The following RAPGEFL1 variants were observed in gnomAD, a reference collection of about 807,000 sequenced individuals.
The protein encoded by RAPGEFL1 is Rap guanine nucleotide exchange factor like 1, also known as rap guanine nucleotide exchange factor-like 1.
In RAPGEFL1, 31 loss-of-function variants were observed where a neutral mutation model predicts 64.4. The observed-to-expected ratio is 0.48, with a 90% CI of 0.36 to 0.65. The LOEUF (loss-of-function observed/expected upper bound fraction) is 0.65, where lower values mean the gene tolerates loss of function less well. Among genes scored for constraint, RAPGEFL1 ranks in the 30% least tolerant of loss-of-function variants. The pLI is 0.00. For synonymous variants in RAPGEFL1, 331 were observed against 274.1 expected (o/e 1.21, Z -2.05); for missense variants, 682 against 677.4 (o/e 1.01, Z -0.08).
Position 40,189,450 on chromosome 17 carries a change from G to C in RAPGEFL1, c.1114+75G>C, listed in dbSNP as rs1990187193. The stretch of plus-strand genomic sequence containing the variant: ...AGCTCAGGGCTCTGGGGGAGGGGTA[G>C]AGACTGAATTCTAGGCCCTTGCTAC... On this transcript the variant is annotated intron_variant, in intron 6 of 14. Coordinates refer to ENST00000620260, the MANE Select transcript of RAPGEFL1 (RefSeq NM_016339.6). The C allele has an allele frequency of 4.2e-5, 63 of 1,511,146 alleles. No homozygotes were observed. In the South Asian group the frequency reaches 7.3e-4, roughly 17 times the overall value. The allele number at this position is 1,511,146 out of a possible 1,614,324, so 93.6% of individuals were successfully genotyped here.
chr17:40,191,315 G>T lies in RAPGEFL1; in HGVS notation c.1336-1G>T. 6.3e-7 allele frequency: 1 copy of T among 1,575,618 alleles called. No individual in the cohort carries two copies. Among genetic ancestry groups the T allele is most frequent in the Non-Finnish European group, 8.5e-7 (1 of 1,170,228 alleles). On this transcript the variant is annotated splice_acceptor_variant, in intron 8 of 14. Transcript: ENST00000620260. LOFTEE classifies it high-confidence loss of function. The surrounding 1 kb of genome is among the most constrained non-coding windows in gnomAD (Gnocchi z 5.1). ...CCGCCCCTCCGCTGCCGTGGGTGCA[G>T]CTGGAGTTCGTGGACTACGTGTTCC...
intron 4 of RAPGEFL1, among the ~76,000 whole-genome samples, chr17:40,185,229 G>A (rs967656205): frequency 3.3e-5 from 5 of 152,168 alleles, no homozygotes; most frequent in African/African-American, 1.2e-4. Context: ...AGGAGAAAGA[G>A]CCCTGATTTG....
At position 40,181,710 on chromosome 17, in the gene RAPGEFL1, G is replaced by A. The variant is rs1302744175; in HGVS notation, c.599+16G>A. 1 of 701,934 alleles carries A rather than the reference G, an allele frequency of 1.4e-6. No homozygotes were observed. Among genetic ancestry groups the A allele is most frequent in the Non-Finnish European group, 2.6e-6 (1 of 384,412 alleles). The allele number at this position is 701,934 out of a possible 1,614,324, so 43.5% of individuals were successfully genotyped here. A position where few individuals can be genotyped will look rare whatever the true frequency, so the allele number is the denominator to read the frequency against. ...TACACCAGTAATATCCTTTTGTGGAGTTTGGAAAAGGAGAGGTCAGAAGGG... is the reference window on the plus strand; with the variant it reads ...TACACCAGTAATATCCTTTTGTGGAATTTGGAAAAGGAGAGGTCAGAAGGG... On this transcript the variant is annotated intron_variant, in intron 2 of 14. Transcript: ENST00000620260.
Position 40,193,428 on chromosome 17 carries a change from A to T in RAPGEFL1, c.1864+11A>T. The T allele has an allele frequency of 1.9e-6, 3 of 1,613,938 alleles. No individual in the cohort carries two copies. Among genetic ancestry groups the T allele is most frequent in the Non-Finnish European group, 2.5e-6 (3 of 1,179,780 alleles). On this transcript the variant is annotated intron_variant, in intron 14 of 14. Transcript: ENST00000620260. Reference sequence around the variant, plus strand: ...GGAGCCGGCCCCTTTGTGAGTACCCAGGGTACTGAGAGCAGTACAGATAGA... The same window carrying T: ...GGAGCCGGCCCCTTTGTGAGTACCCTGGGTACTGAGAGCAGTACAGATAGA...
At chr17:40,188,562 G>T (rs1990155065) in intron 4 of RAPGEFL1, 1 of 373,530 alleles carries the variant, frequency 2.7e-6, no homozygotes, top group Non-Finnish European at 5.0e-6. Flanking sequence ...TCTCATAGAA[G>T]AGATAAGAGG....
At chr17:40,181,790 A>G in intron 2 of RAPGEFL1, 96 bp downstream of exon 2, 1 of 672,652 alleles carries the variant, frequency 1.5e-6, no homozygotes, top group East Asian at 2.8e-5. Context: ...CCCCTAGGAA[A>G]CATACCTGGG....
intron 4 of RAPGEFL1, among the ~76,000 whole-genome samples, chr17:40,185,634 A>C (rs1367721361): frequency 6.6e-6 from 1 of 151,842 alleles, no homozygotes; most frequent in East Asian, 1.9e-4. Flanking sequence ...AAATACAAAA[A>C]TTAGCTGGGC....
Position 40,178,383 on chromosome 17 carries a change from TA to T in RAPGEFL1, c.520+4del. The T allele has an allele frequency of 2.0e-6, 1 of 502,478 alleles. No individual in the cohort carries two copies. Among genetic ancestry groups the T allele is most frequent in the Non-Finnish European group, 3.6e-6 (1 of 280,458 alleles). 31.1% of individuals were successfully genotyped at this position (502,478 alleles called of 1,614,324 possible). A position where few individuals can be genotyped will look rare whatever the true frequency, so the allele number is the denominator to read the frequency against. On this transcript the variant is annotated splice_donor_region_variant and intron_variant, in intron 1 of 14. Coordinates refer to ENST00000620260, the MANE Select transcript of RAPGEFL1 (RefSeq NM_016339.6). ...CTACCAGGGACAGCGCCGCCTCAGG[TA>T]AGGAGCCGGTGGGCTCGAACACCCA...
At chr17:40,186,482 G>T (rs1247927966) in intron 4 of RAPGEFL1, among the ~76,000 whole-genome samples, 1 of 146,384 alleles carries the variant, frequency 6.8e-6, no homozygotes. Context: ...GCAGGAGAAT[G>T]GCGTGAACCC....
chr17:40,187,912 CTTTTTTT>C (rs1004508368), intron 4 of RAPGEFL1, among the ~76,000 whole-genome samples: 1 of 125,168 alleles, frequency 8.0e-6, no homozygotes, highest in Admixed American at 8.3e-5. Context: ...CGCGCCTGGC[CTTTTTTT>C]TTTTTTTTTT....
chr17:40,189,559 A>G (rs1433734755), intron 6 of RAPGEFL1, among the ~76,000 whole-genome samples, 184 bp downstream of exon 6: 1 of 152,210 alleles, frequency 6.6e-6, no homozygotes, highest in East Asian at 1.9e-4. Context: ...GCAGTGGTGC[A>G]AACCTGCAGT....
intron 1 of RAPGEFL1, among the ~76,000 whole-genome samples, chr17:40,180,860 G>T (rs1989872897): frequency 6.6e-6 from 1 of 152,216 alleles, no homozygotes; most frequent in South Asian, 2.1e-4. Context: ...AGGACACCTG[G>T]CTCCCTCCCT....
Position 40,184,625 on chromosome 17 carries a change from C to A in RAPGEFL1, c.780C>A (p.Gly260=). 1.3e-6 allele frequency: 2 copies of A among 1,590,696 alleles called. No homozygotes were observed. Among genetic ancestry groups the A allele is most frequent in the Non-Finnish European group, 1.7e-6 (2 of 1,163,300 alleles). ...TGAAGGACGAGTCCCTTTACCAGGG[C>A]CTCCGAGAGGACACTCTGAGGCTGC... The part of the protein sequence containing the change: ...LIMKDESLYQ[G]LREDTLRLHQ... Residue 260 remains glycine, a synonymous_variant, in exon 4 of 15, where the codon GGC becomes GGA. Coordinates refer to ENST00000620260, the MANE Select transcript of RAPGEFL1 (RefSeq NM_016339.6).
chr17:40,190,391 G>T, intron 6 of RAPGEFL1, 43 bp from the exon 7 acceptor site: 4 of 1,558,904 alleles, frequency 2.6e-6, no homozygotes, highest in Non-Finnish European at 3.5e-6. Context: ...GTGTGAGGGT[G>T]CAGGCGGCAG....
At chr17:40,192,875 G>A (rs2280400) in intron 12 of RAPGEFL1, 51 bp from the exon 13 acceptor site, 197,530 of 1,527,424 alleles carry the variant, frequency 0.13, 14,168 homozygotes, top group East Asian at 0.32. Flanking sequence ...GGCCCCTTTC[G>A]AACTCCTCTC....
chr17:40,186,832 T>TA lies in RAPGEFL1; in HGVS notation c.834-2033dup, dbSNP rs143158188. 1.6e-3 allele frequency among the ~76,000 whole-genome samples: 238 copies of TA among 147,566 alleles called. 1 individual carries two copies. In the East Asian group the frequency reaches 0.045, roughly 28 times the overall value. On this transcript the variant is annotated intron_variant, in intron 4 of 14. Coordinates refer to ENST00000620260, the MANE Select transcript of RAPGEFL1 (RefSeq NM_016339.6). ...TTGCTTGAATCCAGGAGGTGGAGGT[T>TA]ACAGTGAGCCGAGATTGCAGCACTG...
Position 40,193,971 on chromosome 17 carries a change from A to C in RAPGEFL1, c.*183A>C. On this transcript the variant is annotated 3_prime_UTR_variant, in exon 15 of 15. Transcript: ENST00000620260. ...TTCATCCTGCTGAAGTCCCCTCCCC[A>C]TTGCTCCTTCAAGCCAAAACTACAC... 2.0e-5 allele frequency: 15 copies of C among 742,536 alleles called. No homozygotes were observed. The highest frequency in any genetic ancestry group is 2.7e-5 in the Non-Finnish European group (13 of 479,250). 46.0% of individuals were successfully genotyped at this position (742,536 alleles called of 1,614,324 possible).
chr17:40,192,416 A>C (rs1990307129), intron 11 of RAPGEFL1, among the ~76,000 whole-genome samples, 153 bp downstream of exon 11: 1 of 151,668 alleles, frequency 6.6e-6, no homozygotes, highest in Non-Finnish European at 1.5e-5. Context: ...GGTTGGAAGG[A>C]TTGCGCCCCT....
chr17:40,177,389 CG>C (rs902618056), upstream of RAPGEFL1: 1 of 467,744 alleles, frequency 2.1e-6, no homozygotes, highest in Non-Finnish European at 4.2e-6. Flanking sequence ...AAGCCTCGTG[CG>C]GCGCGGGGGC....
Sources: allele counts gnomAD v4.1 joint callset (sites outside exome capture counted in the v4.1 genomes callset), GRCh38; gene constraint gnomAD v4.1.1; non-coding constraint Gnocchi (gnomAD v3.1); transcripts MANE v1.5; gene names NCBI Gene and HGNC (gene_info 2026-07-23, HGNC 2026-07-21).